The following CSTPP1 variants were observed in gnomAD, a reference collection of about 807,000 sequenced individuals.
CSTPP1 encodes UPF0705 protein C11orf49.
the CSTPP1 span, among the ~76,000 whole-genome samples, chr11:47,153,625 G>A: frequency 0.34 from 51,608 of 152,098 alleles, 10,367 homozygotes; most frequent in Non-Finnish European, 0.44. Context: ...CCCACCTGTA[G>A]GATTGTTGTG....
the CSTPP1 span, among the ~76,000 whole-genome samples, chr11:46,940,965 T>C: frequency 6.6e-6 from 1 of 152,194 alleles, no homozygotes; most frequent in Admixed American, 6.5e-5. Flanking sequence ...GTTGGTGGTC[T>C]CTTCATAAAT....
the CSTPP1 span, among the ~76,000 whole-genome samples, chr11:46,991,843 A>T: frequency 6.6e-6 from 1 of 151,942 alleles, no homozygotes; most frequent in Non-Finnish European, 1.5e-5. Context: ...CGGGTTCAAG[A>T]GATTCTCCCG....
the CSTPP1 span, among the ~76,000 whole-genome samples, chr11:47,014,821 G>A: frequency 2.0e-5 from 3 of 151,638 alleles, no homozygotes; most frequent in Admixed American, 2.0e-4. Context: ...AAAAAGAAGA[G>A]CAATTTAAAA....
chr11:46,967,848 C>T, the CSTPP1 span, among the ~76,000 whole-genome samples: 1 of 150,526 alleles, frequency 6.6e-6, no homozygotes, highest in Admixed American at 6.6e-5. Context: ...ATTATCGAGA[C>T]AACATTTCAA....
At chr11:46,990,150 A>T in the CSTPP1 span, among the ~76,000 whole-genome samples, 1 of 152,134 alleles carries the variant, frequency 6.6e-6, no homozygotes, top group Non-Finnish European at 1.5e-5. Flanking sequence ...TGGCATACCC[A>T]CTAATGAATG....
chr11:46,987,519 T>G, the CSTPP1 span: 1 of 510,926 alleles, frequency 2.0e-6, no homozygotes, highest in Admixed American at 3.1e-5. Flanking sequence ...ATGAATAGTT[T>G]TGATTACAGT....
the CSTPP1 span, among the ~76,000 whole-genome samples, chr11:46,961,055 G>A: frequency 1.2e-3 from 187 of 152,092 alleles, no homozygotes; most frequent in Middle Eastern, 0.01. Context: ...GTTTTTGTTC[G>A]AACACCTTTT....
chr11:46,938,162 CT>C, the CSTPP1 span, among the ~76,000 whole-genome samples: 1 of 152,140 alleles, frequency 6.6e-6, no homozygotes, highest in Admixed American at 6.6e-5. Flanking sequence ...GCGTGAGCCA[CT>C]GCACATGGCG....
the CSTPP1 span, among the ~76,000 whole-genome samples, chr11:47,158,852 T>C: frequency 1.3e-5 from 2 of 152,064 alleles, no homozygotes; most frequent in African/African-American, 4.8e-5. Context: ...CTTTTTTGTG[T>C]CTCGAGAGAT....
chr11:47,140,513 C>G, the CSTPP1 span, among the ~76,000 whole-genome samples: 1 of 152,126 alleles, frequency 6.6e-6, no homozygotes, highest in Admixed American at 6.5e-5. Context: ...GCCTTCACCC[C>G]GCCTCTCCCT....
At chr11:47,128,840 G>A in the CSTPP1 span, among the ~76,000 whole-genome samples, 1 of 152,142 alleles carries the variant, frequency 6.6e-6, no homozygotes, top group Non-Finnish European at 1.5e-5. Flanking sequence ...GTCAGACCAA[G>A]TTCTTTTCTC....
chr11:47,104,127 C>G, the CSTPP1 span, among the ~76,000 whole-genome samples: 1 of 152,190 alleles, frequency 6.6e-6, no homozygotes, highest in Non-Finnish European at 1.5e-5. Flanking sequence ...CACTCTTCTC[C>G]AAGCCAAGCA....
the CSTPP1 span, among the ~76,000 whole-genome samples, chr11:47,151,986 G>A: frequency 6.6e-6 from 1 of 152,182 alleles, no homozygotes; most frequent in African/African-American, 2.4e-5. Context: ...AGCCTGCCAT[G>A]AGGTAGGGTA....
chr11:47,135,802 GC>G, the CSTPP1 span, among the ~76,000 whole-genome samples: 2 of 152,146 alleles, frequency 1.3e-5, no homozygotes, highest in Non-Finnish European at 2.9e-5. Flanking sequence ...ATTTTTAAGA[GC>G]TTTTGTTGTG....
At chr11:47,076,157 C>T in the CSTPP1 span, among the ~76,000 whole-genome samples, 1 of 152,032 alleles carries the variant, frequency 6.6e-6, no homozygotes, top group Non-Finnish European at 1.5e-5. Flanking sequence ...AGACACAGAG[C>T]GTAGGTGAGA....
At chr11:46,993,536 C>T in the CSTPP1 span, among the ~76,000 whole-genome samples, 132 of 152,054 alleles carry the variant, frequency 8.7e-4, no homozygotes, top group African/African-American at 3.0e-3. Context: ...AATAGGGAAT[C>T]CTTTCCCCAT....
At chr11:47,155,057 A>G in the CSTPP1 span, 2 of 863,560 alleles carry the variant, frequency 2.3e-6, no homozygotes, top group Non-Finnish European at 3.9e-6. Context: ...CTGGCGGCCC[A>G]GGAACAGCTC....
At chr11:47,128,350 A>G in the CSTPP1 span, among the ~76,000 whole-genome samples, 1 of 152,314 alleles carries the variant, frequency 6.6e-6, no homozygotes, top group East Asian at 1.9e-4. Context: ...TTGTTTTTAT[A>G]AATATTAAAT....
chr11:47,016,839 C>CTTT, the CSTPP1 span, among the ~76,000 whole-genome samples: 386 of 99,828 alleles, frequency 3.9e-3, 10 homozygotes, highest in Middle Eastern at 0.015. Flanking sequence ...TCATTTAGTA[C>CTTT]TTTTTTTTTT....
Sources: gnomAD v4.1 joint callset for allele counts (sites outside exome capture counted in the v4.1 genomes callset) on GRCh38, gnomAD v4.1.1 for gene constraint, MANE v1.5 for transcripts, NCBI Gene and HGNC (gene_info 2026-07-23, HGNC 2026-07-21) for gene names.